The following PPP1R21 variants were observed in gnomAD, a reference collection of about 807,000 sequenced individuals.
PPP1R21 encodes protein phosphatase 1 regulatory subunit 21.
In PPP1R21, 85 loss-of-function variants were observed where a neutral mutation model predicts 112.8. That is an observed-to-expected ratio of 0.75 (90% CI 0.63 to 0.90). The LOEUF (loss-of-function observed/expected upper bound fraction) is 0.90. Ranked by LOEUF, PPP1R21 falls within the 40% of genes least tolerant of loss-of-function variation. The pLI is 0.00. For synonymous variants in PPP1R21, 381 were observed against 322.3 expected (o/e 1.18, Z -1.95); for missense variants, 1,199 against 901.5 (o/e 1.33, Z -4.23).
chr2:48,469,811 C>G (rs1668424532), intron 9 of PPP1R21, among the ~76,000 whole-genome samples: 2 of 151,910 alleles, frequency 1.3e-5, no homozygotes, highest in South Asian at 4.1e-4. Flanking sequence ...TGTAATAAGT[C>G]TGTGTTATTG....
At chr2:48,479,741 A>C (rs1186638028) in intron 12 of PPP1R21, among the ~76,000 whole-genome samples, 183 bp from the exon 13 acceptor site, 1 of 152,216 alleles carries the variant, frequency 6.6e-6, no homozygotes, top group Non-Finnish European at 1.5e-5. Context: ...AGGAGATGCA[A>C]ATCATTTAGA....
At chr2:48,460,582 G>A (rs1667932597) in intron 6 of PPP1R21, among the ~76,000 whole-genome samples, 1 of 152,154 alleles carries the variant, frequency 6.6e-6, no homozygotes, top group African/African-American at 2.4e-5. Context: ...GTAATGCATG[G>A]TAAAGGTGTA....
At chr2:48,457,910 C>G in intron 3 of PPP1R21, 2 of 481,158 alleles carry the variant, frequency 4.2e-6, no homozygotes, top group South Asian at 3.6e-5. Flanking sequence ...TTTTCTCTCT[C>G]TTTTTAAAGC....
chr2:48,455,796 C>T (rs1001533304), intron 3 of PPP1R21, among the ~76,000 whole-genome samples: 2 of 151,784 alleles, frequency 1.3e-5, no homozygotes, highest in Admixed American at 1.3e-4. Flanking sequence ...GGGCAGATCA[C>T]GAGGTCAGGA....
chr2:48,488,370 T>C (rs1359482277), intron 14 of PPP1R21, among the ~76,000 whole-genome samples: 1 of 147,310 alleles, frequency 6.8e-6, no homozygotes, highest in Non-Finnish European at 1.5e-5. Flanking sequence ...TTTGCCAACT[T>C]TTTTTTTTTT....
intron 12 of PPP1R21, chr2:48,479,369 TCTCA>T (rs1668901378): frequency 2.4e-6 from 1 of 415,220 alleles, no homozygotes; most frequent in Non-Finnish European, 5.0e-6. Flanking sequence ...TACCGTAGCC[TCTCA>T]CTGTTATTAC....
Position 48,465,504 on chromosome 2 carries a change from A to G in PPP1R21, c.759A>G (p.Arg253=), listed in dbSNP as rs1668159310. The G allele has an allele frequency of 1.5e-5, 24 of 1,608,624 alleles. No homozygotes were observed. The highest frequency in any genetic ancestry group is 2.0e-5 in the Non-Finnish European group (24 of 1,178,792). The stretch of plus-strand genomic sequence containing the variant: ...TTTTCATTTTAAAGCTGAAGATGCG[A>G]GATATTGCTGGGCAGGCCCTGGCTT... ...LHNRRHQLKM[R]DIAGQALAFV... The change falls in exon 9 of 22, where the codon CGA becomes CGG. Residue 253 remains arginine (R), a synonymous_variant. Coordinates refer to ENST00000294952, the MANE Select transcript of PPP1R21 (RefSeq NM_001135629.3).
chr2:48,471,503 G>C, intron 11 of PPP1R21, 136 bp downstream of exon 11: 1 of 814,198 alleles, frequency 1.2e-6, no homozygotes, highest in Non-Finnish European at 1.9e-6. Flanking sequence ...GGACTTCCGT[G>C]AAAAAGGAAA....
At chr2:48,498,361 G>A (rs1028717125) in intron 16 of PPP1R21, 132 bp from the exon 17 acceptor site, 42 of 772,644 alleles carry the variant, frequency 5.4e-5, no homozygotes, top group Middle Eastern at 8.0e-4. Flanking sequence ...CTTCCTATTC[G>A]AGGGTCAAAC....
At position 48,491,507 on chromosome 2, in the gene PPP1R21, A is replaced by G. The variant is rs1669561907; in HGVS notation, c.1599+337A>G. Among the ~76,000 whole-genome samples the G allele has an allele frequency of 6.6e-5, 10 of 150,566 alleles. No homozygotes were observed. In the South Asian group the frequency reaches 1.9e-3, roughly 29 times the overall value. ...CAGAAAAAAAAGAAATATGTGTATGACTTTTTTCTGAATAAGAATATGCAG... is the reference window on the plus strand; with the variant it reads ...CAGAAAAAAAAGAAATATGTGTATGGCTTTTTTCTGAATAAGAATATGCAG... On this transcript the variant is annotated intron_variant, in intron 15 of 21. Transcript: ENST00000294952.
At chr2:48,511,297 G>A (rs760011555) in intron 20 of PPP1R21, 43 bp from the exon 21 acceptor site, 40 of 1,579,750 alleles carry the variant, frequency 2.5e-5, no homozygotes, top group Non-Finnish European at 3.2e-5. Flanking sequence ...AGAGTGGTAC[G>A]ACTCGTGGGA....
At chr2:48,502,287 A>G (rs1329423913) in intron 17 of PPP1R21, among the ~76,000 whole-genome samples, 3 of 152,176 alleles carry the variant, frequency 2.0e-5, no homozygotes, top group Non-Finnish European at 4.4e-5. Context: ...TTTTCTCTCC[A>G]TCATGAGGGT....
rs148368412 is a variant in PPP1R21 at position 48,470,346 on chromosome 2, C to T, written c.898-741C>T. Among the ~76,000 whole-genome samples the T allele has an allele frequency of 3.8e-4, 58 of 151,780 alleles. 1 individual carries two copies. The highest frequency in any genetic ancestry group is 1.3e-3 in the African/African-American group (54 of 41,380). ...CAGCCTGGCCAACATGGTGAAAGCC[C>T]GTCTCTACTAAAAATACAAAAATTA... On this transcript the variant is annotated intron_variant, in intron 9 of 21. Transcript: ENST00000294952.
At chr2:48,501,674 G>C (rs1670121141) in intron 17 of PPP1R21, among the ~76,000 whole-genome samples, 2 of 152,096 alleles carry the variant, frequency 1.3e-5, no homozygotes, top group South Asian at 4.1e-4. Context: ...GCCAGGTGTG[G>C]TAGCCCACGC....
At chr2:48,489,313 G>C (rs1453079776) in intron 14 of PPP1R21, among the ~76,000 whole-genome samples, 1 of 151,158 alleles carries the variant, frequency 6.6e-6, no homozygotes, top group Non-Finnish European at 1.5e-5. Context: ...GACCAGCCTG[G>C]GCAACATGGC....
intron 17 of PPP1R21, among the ~76,000 whole-genome samples, chr2:48,502,177 A>G (rs770557798): frequency 5.3e-5 from 8 of 152,192 alleles, no homozygotes. Flanking sequence ...ACTGAACACT[A>G]TTGGGCCATG....
intron 1 of PPP1R21, among the ~76,000 whole-genome samples, chr2:48,444,264 A>G (rs1303077888): frequency 6.6e-6 from 1 of 152,220 alleles, no homozygotes; most frequent in African/African-American, 2.4e-5. Flanking sequence ...TTCAGGTTCA[A>G]TAGAGTTTGG....
In PPP1R21 at chr2:48,491,047, C is replaced by T. The variant is rs776253227; in HGVS notation, c.1476C>T (p.Asp492=). ...KIASFFSNNL[D]YFIASLSYGP... ...CATCCTTCTTCAGCAACAATTTGGA[C>T]TACTTCATTGCTTCACTGAGCTATG... is the stretch of plus-strand genomic sequence containing the variant. Residue 492 remains aspartate (D), a synonymous_variant, in exon 15 of 22, where the codon GAC becomes GAT. Coordinates refer to ENST00000294952, the MANE Select transcript of PPP1R21 (RefSeq NM_001135629.3). 1.2e-6 allele frequency: 2 copies of T among 1,613,936 alleles called. No homozygotes were observed. Among genetic ancestry groups the T allele is most frequent in the African/African-American group, 2.7e-5 (2 of 74,894 alleles).
intron 12 of PPP1R21, among the ~76,000 whole-genome samples, chr2:48,475,789 G>C (rs988260567): frequency 2.6e-5 from 4 of 152,118 alleles, no homozygotes; most frequent in African/African-American, 7.2e-5. Flanking sequence ...AGAGGATGCA[G>C]TGAGCTGAGA....
Sources: allele counts gnomAD v4.1 joint callset (sites outside exome capture counted in the v4.1 genomes callset), GRCh38; gene constraint gnomAD v4.1.1; transcripts MANE v1.5; gene names NCBI Gene and HGNC (gene_info 2026-07-23, HGNC 2026-07-21).